Variants in SPAG16 observed in about 807,000 individuals in gnomAD.
The protein encoded by SPAG16 is sperm-associated antigen 16 protein.
Under a neutral mutation model 80.4 loss-of-function variants are expected in SPAG16, and 86 were observed. The observed-to-expected ratio is 1.07, with a 90% CI of 0.90 to 1.28. The LOEUF (loss-of-function observed/expected upper bound fraction) is 1.28, where lower values mean the gene tolerates loss of function less well. SPAG16 is among the 50% of genes most tolerant of loss of function. The pLI is 0.00. For synonymous variants in SPAG16, 294 were observed against 265.9 expected, an observed-to-expected ratio of 1.11 and a Z score of -1.03; for missense variants, 870 against 765.3, an observed-to-expected ratio of 1.14 and a Z score of -1.61.
At chr2:213,598,899 C>T (rs1218517359) in intron 10 of SPAG16, among the ~76,000 whole-genome samples, 1 of 152,112 alleles carries the variant, frequency 6.6e-6, no homozygotes, top group African/African-American at 2.4e-5. Context: ...ACTCTGTGGA[C>T]AACCTAGTTA....
intron 13 of SPAG16, among the ~76,000 whole-genome samples, chr2:214,028,218 T>A (rs2125037679): frequency 6.6e-6 from 1 of 152,154 alleles, no homozygotes; most frequent in South Asian, 2.1e-4. Flanking sequence ...AAAATGGTGG[T>A]GAGTTTGTGA....
At chr2:214,196,058 T>A (rs543838304) in intron 15 of SPAG16, among the ~76,000 whole-genome samples, 1 of 152,106 alleles carries the variant, frequency 6.6e-6, no homozygotes, top group East Asian at 1.9e-4. Flanking sequence ...ATCGCCCATA[T>A]TTAATAATAA....
rs3076792 is a variant in SPAG16 at position 213,932,949 on chromosome 2, A to AACACACACACACAC, written c.1400+2833_1400+2846dup. Among the ~76,000 whole-genome samples the AACACACACACACAC allele has an allele frequency of 4.3e-3, 615 of 144,034 alleles. 3 individuals carry two copies. The highest frequency in any genetic ancestry group is 0.011 in the African/African-American group (436 of 38,678). 94.5% of individuals were successfully genotyped at this position (144,034 alleles called of 152,430 possible). On this transcript the variant is annotated intron_variant, in intron 12 of 15. Transcript: ENST00000331683. ...GTATTTCACTTAATGGTTGTTTGAAAACACACACACACACACACACACACA... is the reference window on the plus strand; with the variant it reads ...GTATTTCACTTAATGGTTGTTTGAAAACACACACACACACACACACACACACACACACACACACA...
intron 15 of SPAG16, among the ~76,000 whole-genome samples, chr2:214,192,702 C>T (rs1219128536): frequency 6.6e-6 from 1 of 151,790 alleles, no homozygotes; most frequent in East Asian, 1.9e-4. Context: ...TTTTGTTTTT[C>T]TTAAGTGTCT....
At chr2:213,354,339 A>G (rs991340850) in intron 7 of SPAG16, among the ~76,000 whole-genome samples, 12 of 152,234 alleles carry the variant, frequency 7.9e-5, no homozygotes, top group East Asian at 3.9e-4. Flanking sequence ...CGGTGCCGCA[A>G]TAAACATACA....
intron 1 of SPAG16, 196 bp downstream of exon 1, chr2:213,284,815 C>G: frequency 1.4e-6 from 1 of 737,148 alleles, no homozygotes; most frequent in Non-Finnish European, 2.1e-6. Context: ...CCTTAGTAGC[C>G]CAGGGTGTCC....
intron 15 of SPAG16, among the ~76,000 whole-genome samples, chr2:214,387,578 T>G (rs1700831264): frequency 6.6e-6 from 1 of 152,218 alleles, no homozygotes; most frequent in Non-Finnish European, 1.5e-5. Context: ...AAGTGTGGTA[T>G]ATGTCCATCC....
chr2:213,773,980 T>C (rs2069414469), intron 10 of SPAG16, among the ~76,000 whole-genome samples: 1 of 152,208 alleles, frequency 6.6e-6, no homozygotes, highest in South Asian at 2.1e-4. Context: ...CCTTTTAGCT[T>C]GTTTTTATAG....
intron 10 of SPAG16, among the ~76,000 whole-genome samples, chr2:213,822,854 G>C (rs1326116741): frequency 6.6e-6 from 1 of 152,130 alleles, no homozygotes; most frequent in African/African-American, 2.4e-5. Context: ...GTGTTAGTTT[G>C]CTGAGGATGA....
At chr2:214,338,825 T>C (rs900347686) in intron 15 of SPAG16, among the ~76,000 whole-genome samples, 5 of 152,242 alleles carry the variant, frequency 3.3e-5, no homozygotes, top group Non-Finnish European at 5.9e-5. Context: ...CAATGTATAA[T>C]ATTGCCACTA....
At chr2:213,489,843 T>A in intron 9 of SPAG16, 120 bp from the exon 10 acceptor site, 1 of 741,584 alleles carries the variant, frequency 1.3e-6, no homozygotes, top group African/African-American at 1.9e-5. Context: ...AATGAAGGAC[T>A]TCATGTAAAT....
chr2:214,134,607 C>A (rs565939951), intron 14 of SPAG16, among the ~76,000 whole-genome samples: 27 of 152,224 alleles, frequency 1.8e-4, no homozygotes, highest in African/African-American at 6.5e-4. Flanking sequence ...TAGAATGAGG[C>A]AAATTTGCCC....
intron 13 of SPAG16, among the ~76,000 whole-genome samples, chr2:214,059,205 T>TAC (rs2050111618): frequency 2.8e-5 from 3 of 108,472 alleles, no homozygotes; most frequent in Admixed American, 2.0e-4. Context: ...TATATATATA[T>TAC]ATATATATAT....
At chr2:213,357,437 C>T (rs1436514982) in intron 7 of SPAG16, among the ~76,000 whole-genome samples, 1 of 152,126 alleles carries the variant, frequency 6.6e-6, no homozygotes, top group African/African-American at 2.4e-5. Context: ...AATATGGGTT[C>T]TCTTGCTTTG....
intron 13 of SPAG16, among the ~76,000 whole-genome samples, chr2:214,056,328 G>A (rs899596946): frequency 1.3e-5 from 2 of 151,638 alleles, no homozygotes; most frequent in African/African-American, 4.8e-5. Flanking sequence ...TAGAGAGAGA[G>A]AGAGAGGGAG....
intron 10 of SPAG16, among the ~76,000 whole-genome samples, chr2:213,671,016 G>A (rs1399924528): frequency 6.6e-6 from 1 of 152,144 alleles, no homozygotes; most frequent in Non-Finnish European, 1.5e-5. Context: ...AATTGTGAAA[G>A]CAACTATGCA....
chr2:213,522,160 A>C (rs925411817), intron 10 of SPAG16, among the ~76,000 whole-genome samples: 1 of 152,230 alleles, frequency 6.6e-6, no homozygotes, highest in Non-Finnish European at 1.5e-5. Context: ...GAAAAGAACA[A>C]AGAAATTGTT....
At chr2:214,043,067 A>G (rs966026451) in intron 13 of SPAG16, among the ~76,000 whole-genome samples, 1 of 151,824 alleles carries the variant, frequency 6.6e-6, no homozygotes, top group Non-Finnish European at 1.5e-5. Context: ...TAGAGTGAGG[A>G]CTCTGGTACA....
chr2:213,561,536 A>T (rs908191116), intron 10 of SPAG16, among the ~76,000 whole-genome samples: 3 of 152,116 alleles, frequency 2.0e-5, no homozygotes, highest in Non-Finnish European at 2.9e-5. Flanking sequence ...GTACCCCATA[A>T]ATGTATACAC....
Sources: gnomAD v4.1 joint callset for allele counts (sites outside exome capture counted in the v4.1 genomes callset) on GRCh38, gnomAD v4.1.1 for gene constraint, MANE v1.5 for transcripts, NCBI Gene and HGNC (gene_info 2026-07-23, HGNC 2026-07-21) for gene names.